Variants in LIMCH1 observed in about 807,000 individuals in gnomAD.
LIMCH1 encodes LIM and calponin homology domains 1.
LIMCH1 carries 113 observed loss-of-function variants against 176.5 expected under a neutral mutation model. The observed-to-expected ratio is 0.64, with a 90% confidence interval of 0.55 to 0.75. The LOEUF (loss-of-function observed/expected upper bound fraction) is 0.75. LIMCH1 is among the 30% of genes least tolerant of loss of function. The probability of loss-of-function intolerance (pLI) is 0.00; values close to 1 mark genes in which losing one functional copy is unlikely to be tolerated. For missense variants in LIMCH1, 1,674 were observed against 1,814.9 expected, an observed-to-expected ratio of 0.92 and a Z score of 1.41; for synonymous variants, 619 against 645.9, an observed-to-expected ratio of 0.96 and a Z score of 0.63.
At chr4:41,501,717 A>G (rs2073303309) in intron 2 of LIMCH1, among the ~76,000 whole-genome samples, 1 of 152,132 alleles carries the variant, frequency 6.6e-6, no homozygotes, top group South Asian at 2.1e-4. Context: ...AGGCACAATT[A>G]CTGAATTATA....
intron 1 of LIMCH1, among the ~76,000 whole-genome samples, chr4:41,484,313 C>T (rs2069147099): frequency 6.6e-6 from 1 of 152,130 alleles, no homozygotes. Flanking sequence ...TCATTTTGGT[C>T]TTACACCTTT....
chr4:41,524,259 A>C (rs536249667), intron 2 of LIMCH1: 8 of 675,676 alleles, frequency 1.2e-5, no homozygotes, highest in African/African-American at 9.0e-5. Flanking sequence ...ACTTATATGC[A>C]TGAAGGCTGA....
At chr4:41,542,672 A>G (rs2078826520) in intron 1 of LIMCH1, among the ~76,000 whole-genome samples, 1 of 152,200 alleles carries the variant, frequency 6.6e-6, no homozygotes, top group Admixed American at 6.5e-5. Flanking sequence ...AAGTATTTAT[A>G]AAGTTTATTC....
intron 17 of LIMCH1, among the ~76,000 whole-genome samples, chr4:41,649,646 C>T (rs927983599): frequency 6.6e-6 from 1 of 152,198 alleles, no homozygotes. Context: ...CACCTAACTG[C>T]ACAGCTCCCT....
chr4:41,456,927 TG>T lies in LIMCH1; in HGVS notation c.97-37604del, dbSNP rs548569830. Among the ~76,000 whole-genome samples, 1,108 of 152,180 alleles carry T rather than the reference TG, an allele frequency of 7.3e-3. 18 individuals carry two copies. The highest frequency in any genetic ancestry group is 0.01 in the Non-Finnish European group (708 of 68,002). ...ATGTGGCCCGGGCTCCCTCACAGTA[TG>T]GGGGCTGAGTTTCAAGGTGTGAAGA... On this transcript the variant is annotated intron_variant, in intron 1 of 26. Transcript: ENST00000313860.
intron 1 of LIMCH1, among the ~76,000 whole-genome samples, chr4:41,386,940 T>C (rs2056573130): frequency 6.6e-6 from 1 of 152,236 alleles, no homozygotes; most frequent in Non-Finnish European, 1.5e-5. Flanking sequence ...CTGTTATAGC[T>C]ATATGCTATG....
At chr4:41,655,341 C>T (rs905071383) in intron 18 of LIMCH1, among the ~76,000 whole-genome samples, 4 of 152,166 alleles carry the variant, frequency 2.6e-5, no homozygotes, top group African/African-American at 9.6e-5. Context: ...GAGCACTTAG[C>T]ATACTGTCAG....
At chr4:41,465,694 C>T (rs1472071041) in intron 1 of LIMCH1, among the ~76,000 whole-genome samples, 1 of 152,162 alleles carries the variant, frequency 6.6e-6, no homozygotes, top group Non-Finnish European at 1.5e-5. Flanking sequence ...TGATACTTCT[C>T]CTCTCTGAGT....
intron 3 of LIMCH1, among the ~76,000 whole-genome samples, chr4:41,528,983 G>A (rs1184978668): frequency 2.6e-5 from 4 of 152,318 alleles, no homozygotes; most frequent in South Asian, 4.1e-4. Context: ...CTTCTGCAAC[G>A]ATTGCTGACA....
intron 1 of LIMCH1, among the ~76,000 whole-genome samples, chr4:41,475,748 C>A (rs2067630901): frequency 6.6e-6 from 1 of 152,064 alleles, no homozygotes; most frequent in Non-Finnish European, 1.5e-5. Context: ...AGCATTAGGA[C>A]AAATACCTAG....
At chr4:41,506,433 A>C (rs538383680) in intron 2 of LIMCH1, among the ~76,000 whole-genome samples, 1 of 152,302 alleles carries the variant, frequency 6.6e-6, no homozygotes, top group Non-Finnish European at 1.5e-5. Flanking sequence ...ATTGTTGGCT[A>C]TCGACCATGT....
At chr4:41,466,621 G>T (rs1458773211) in intron 1 of LIMCH1, among the ~76,000 whole-genome samples, 1 of 152,150 alleles carries the variant, frequency 6.6e-6, no homozygotes, top group Non-Finnish European at 1.5e-5. Flanking sequence ...AAAGTCCCTA[G>T]TCTGCCCTAA....
At chr4:41,587,137 A>G (rs192573867) in intron 1 of LIMCH1, among the ~76,000 whole-genome samples, 8 of 152,342 alleles carry the variant, frequency 5.3e-5, no homozygotes, top group Non-Finnish European at 1.2e-4. Context: ...AAATTTGAAG[A>G]GTTTGTATGC....
chr4:41,680,889 A>G (rs1715147973), intron 24 of LIMCH1, 66 bp from the exon 25 acceptor site: 1 of 901,892 alleles, frequency 1.1e-6, no homozygotes, highest in Non-Finnish European at 1.8e-6. Flanking sequence ...CCTTAATGAC[A>G]TTTTTGTCTT....
chr4:41,613,992 A>G (rs779826602), intron 5 of LIMCH1, among the ~76,000 whole-genome samples: 2 of 152,206 alleles, frequency 1.3e-5, no homozygotes, highest in Non-Finnish European at 2.9e-5. Flanking sequence ...CTGGAGGTTT[A>G]TATACTCTGG....
chr4:41,423,647 G>T (rs1016242091), intron 1 of LIMCH1, among the ~76,000 whole-genome samples: 4 of 152,096 alleles, frequency 2.6e-5, no homozygotes, highest in African/African-American at 9.7e-5. Flanking sequence ...CTGGGGGAGA[G>T]TGAGGGTGGG....
intron 21 of LIMCH1, chr4:41,670,742 C>G (rs2289342): frequency 2.0e-6 from 3 of 1,535,712 alleles, no homozygotes; most frequent in Non-Finnish European, 2.6e-6. Flanking sequence ...GCCAGTGTTC[C>G]GCTTAGAGTT....
chr4:41,498,709 A>G (rs1280152801), intron 2 of LIMCH1, among the ~76,000 whole-genome samples: 1 of 152,242 alleles, frequency 6.6e-6, no homozygotes, highest in Non-Finnish European at 1.5e-5. Context: ...AGCTACTCCC[A>G]GGTTGGAGTC....
intron 1 of LIMCH1, among the ~76,000 whole-genome samples, chr4:41,558,507 C>T (rs1201132034): frequency 6.6e-6 from 1 of 152,122 alleles, no homozygotes; most frequent in Non-Finnish European, 1.5e-5. Context: ...GCCTCATATC[C>T]TGTCCCTCAT....
Sources: allele counts gnomAD v4.1 joint callset (sites outside exome capture counted in the v4.1 genomes callset), GRCh38; gene constraint gnomAD v4.1.1; transcripts MANE v1.5; gene names NCBI Gene and HGNC (gene_info 2026-07-23, HGNC 2026-07-21).